DHX38: variants seen among roughly 807,000 people sequenced by gnomAD.
The protein encoded by DHX38 is pre-mRNA-splicing factor ATP-dependent RNA helicase PRP16.
In DHX38, 100 loss-of-function variants were observed where a neutral mutation model predicts 153.1. The ratio of observed to expected loss-of-function variants is 0.65; its 90% CI spans 0.56 to 0.77. DHX38 has a LOEUF of 0.77. Among genes scored for constraint, DHX38 ranks in the 30% least tolerant of loss-of-function variants. The pLI is 0.00. For synonymous variants in DHX38, 650 were observed against 631.7 expected (o/e 1.03, Z -0.43); for missense variants, 1,440 against 1,654.0 (o/e 0.87, Z 2.24).
intron 23 of DHX38, 64 bp downstream of exon 23, chr16:72,108,671 T>A: frequency 1.3e-6 from 2 of 1,592,386 alleles, no homozygotes; most frequent in Non-Finnish European, 8.6e-7. Context: ...AAGTTCTTCC[T>A]TTGTCCTGGT....
rs2042086084 is a variant in DHX38, at chr16:72,100,540, G to C, written c.1221G>C (p.Leu407=). 14 of 1,614,164 alleles carry C rather than the reference G, an allele frequency of 8.7e-6. 2 individuals are homozygous for C. Among genetic ancestry groups the C allele is most frequent in the South Asian group, 6.6e-5 (6 of 91,078 alleles). The stretch of plus-strand genomic sequence containing the variant: ...AGGACAACGCGGCCAAGGTGCATCT[G>C]ATGGTGCACAATCTGGTGCCTCCCT... ...FEEDNAAKVH[L]MVHNLVPPFL... The change falls in exon 9 of 27, where the codon CTG becomes CTC. Residue 407 remains leucine (L), a synonymous_variant. Transcript: ENST00000268482.
Position 72,097,703 on chromosome 16 carries a change from A to T in DHX38, c.538A>T (p.Ser180Cys), listed in dbSNP as rs755218183. Residue 180 changes from serine (S) to cysteine (C), a missense_variant, in exon 4 of 27, where the codon AGC becomes TGC. Ser to Cys is a moderately radical substitution (Grantham distance 112). This residue lies in a region of DHX38 where 483 missense variants were observed against 465.1 expected (regional missense o/e 1.04). Transcript: ENST00000268482. Reference sequence around the variant, plus strand: ...TGAGCGGGATAGAAGTAGGCACAGCAGCAGATCAGAGCGAGATGGAGGGTC... The same window carrying T: ...TGAGCGGGATAGAAGTAGGCACAGCTGCAGATCAGAGCGAGATGGAGGGTC... ...RDERDRSRHS[S>C]RSERDGGSER... 2.5e-6 allele frequency: 4 copies of T among 1,614,178 alleles called. No homozygotes were observed. Among genetic ancestry groups the T allele is most frequent in the Non-Finnish European group, 3.4e-6 (4 of 1,180,012 alleles).
intron 7 of DHX38, 121 bp downstream of exon 7, chr16:72,099,401 T>A: frequency 2.2e-6 from 2 of 916,974 alleles, no homozygotes; most frequent in Non-Finnish European, 3.2e-6. Context: ...CCCAATGCCC[T>A]GGAGTCTCTT....
chr16:72,102,707 G>T (rs901380466), intron 11 of DHX38, among the ~76,000 whole-genome samples: 1 of 152,184 alleles, frequency 6.6e-6, no homozygotes, highest in South Asian at 2.1e-4. Flanking sequence ...CCCTTTAGAC[G>T]TTGTGCTGAA....
intron 12 of DHX38, 65 bp from the exon 13 acceptor site, chr16:72,103,537 T>C: frequency 6.4e-7 from 1 of 1,551,734 alleles, no homozygotes; most frequent in South Asian, 1.2e-5. Context: ...AGCGGAGTCT[T>C]CTTGGAGGCT....
Position 72,107,864 on chromosome 16 carries a change from TTC to T in DHX38, c.2964+71_2964+72del. On this transcript the variant is annotated intron_variant, in intron 21 of 26. Transcript: ENST00000268482. The surrounding 1 kb of genome is among the most constrained non-coding windows in gnomAD (Gnocchi z 5.3). ...AGGAAGTGTTGGGGAGGGGAATGGC[TTC>T]TCTCTGTATTACTGAAATGGAACAG... The T allele has an allele frequency of 6.4e-7, 1 of 1,572,420 alleles. No homozygotes were observed. Among genetic ancestry groups the T allele is most frequent in the South Asian group, 1.1e-5 (1 of 87,820 alleles).
At position 72,105,271 on chromosome 16, in the gene DHX38, G is replaced by C. The variant is rs1224684655; in HGVS notation, c.2302G>C (p.Glu768Gln). ...GATTGTGGAGCATCTGGAGGAACTGGAGAACGCGCCTGCCCTGGCTGTGCT... is the reference window on the plus strand; with the variant it reads ...GATTGTGGAGCATCTGGAGGAACTGCAGAACGCGCCTGCCCTGGCTGTGCT... ...DQIVEHLEEL[E>Q]NAPALAVLPI... is the part of the protein sequence containing the mutation. Residue 768 changes from glutamate to glutamine, a missense_variant, in exon 17 of 27, where the codon GAG becomes CAG. Glu to Gln is a conservative substitution (Grantham distance 29, BLOSUM62 2). Transcript: ENST00000268482. 1 of 1,614,174 alleles carries C rather than the reference G, an allele frequency of 6.2e-7. No individual in the cohort carries two copies. Among genetic ancestry groups the C allele is most frequent in the Non-Finnish European group, 8.5e-7 (1 of 1,180,034 alleles).
chr16:72,100,680 C>A, intron 9 of DHX38, 83 bp downstream of exon 9: 1 of 1,554,178 alleles, frequency 6.4e-7, no homozygotes, highest in Non-Finnish European at 8.7e-7. Context: ...CCTGTCATCC[C>A]GGCACTTTGG....
In DHX38 at chr16:72,104,684, G is replaced by A. The variant is rs964731902; in HGVS notation, c.2151+58G>A. On this transcript the variant is annotated intron_variant, in intron 15 of 26. Transcript: ENST00000268482. This position sits in a 1 kb window ranked among gnomAD's most constrained non-coding sequence, Gnocchi z 4.5. ...TCCATGCCACGCACTTCTCTGATGC[G>A]AAGCCGGCTGGAGGGTGGAGGGTGG... 4.4e-6 allele frequency: 7 copies of A among 1,606,620 alleles called. No homozygotes were observed. The highest frequency in any genetic ancestry group is 4.0e-5 in the African/African-American group (3 of 74,962).
chr16:72,099,628 C>T (rs1443433327), intron 7 of DHX38, 104 bp from the exon 8 acceptor site: 2 of 1,473,720 alleles, frequency 1.4e-6, no homozygotes, highest in Non-Finnish European at 1.8e-6. Flanking sequence ...GGTAGCTCCA[C>T]TGCAGTAGTG....
In DHX38 at chr16:72,103,487, C is replaced by T. The variant is rs368824013; in HGVS notation, c.1638-115C>T. 1.4e-4 allele frequency: 164 copies of T among 1,210,838 alleles called. 1 individual carries two copies. The highest frequency in any genetic ancestry group is 2.2e-4 in the East Asian group (9 of 41,574). 75.0% of individuals were successfully genotyped at this position (1,210,838 alleles called of 1,614,324 possible). A position where few individuals can be genotyped will look rare whatever the true frequency, so the allele number is the denominator to read the frequency against. Reference sequence around the variant, plus strand: ...CCCAGTGAAATTCTCCCTTCTAAACCGGCATGCTCCCTGGATAGCTAGTCA... The same window carrying T: ...CCCAGTGAAATTCTCCCTTCTAAACTGGCATGCTCCCTGGATAGCTAGTCA... On this transcript the variant is annotated intron_variant, in intron 12 of 26. Transcript: ENST00000268482.
intron 7 of DHX38, 111 bp downstream of exon 7, chr16:72,099,391 C>T: frequency 1.0e-6 from 1 of 996,234 alleles, no homozygotes; most frequent in Non-Finnish European, 1.5e-6. Context: ...CCTGTTCAGA[C>T]CCAATGCCCT....
In DHX38 at chr16:72,110,450, C is replaced by A. The variant is rs529693289; in HGVS notation, c.3478-506C>A. 4.6e-5 allele frequency among the ~76,000 whole-genome samples: 7 copies of A among 152,300 alleles called. No homozygotes were observed. In the East Asian group the frequency reaches 1.3e-3, roughly 29 times the overall value. On this transcript the variant is annotated intron_variant, in intron 25 of 26. Coordinates refer to ENST00000268482, the MANE Select transcript of DHX38 (RefSeq NM_014003.4). Reference sequence around the variant, plus strand: ...GGATGAGGGGCCCCAGTGGTGGCAGCCTGCCTCTTCCCTGATAGGTTTCCA... The same window carrying A: ...GGATGAGGGGCCCCAGTGGTGGCAGACTGCCTCTTCCCTGATAGGTTTCCA...
In DHX38 at chr16:72,104,643, G is replaced by C. The variant is rs1349434253; in HGVS notation, c.2151+17G>C. ...TTCAGCAAGGTATTGAGGCCACCAT[G>C]TTACGAACTGACCCTTCCATGCCAC... On this transcript the variant is annotated intron_variant, in intron 15 of 26. Coordinates refer to ENST00000268482, the MANE Select transcript of DHX38 (RefSeq NM_014003.4). This position sits in a 1 kb window ranked among gnomAD's most constrained non-coding sequence, Gnocchi z 4.5. 2.5e-6 allele frequency: 4 copies of C among 1,613,874 alleles called. No individual in the cohort carries two copies. Among genetic ancestry groups the C allele is most frequent in the Non-Finnish European group, 3.4e-6 (4 of 1,179,982 alleles).
At chr16:72,098,262 A>T (rs1246140501) in intron 4 of DHX38, among the ~76,000 whole-genome samples, 1 of 151,954 alleles carries the variant, frequency 6.6e-6, no homozygotes, top group Non-Finnish European at 1.5e-5. Flanking sequence ...GTGAAACCCC[A>T]TCCCTACTAA....
Position 72,108,589 on chromosome 16 carries a change from C to T in DHX38, c.3237C>T (p.His1079=), listed in dbSNP as rs2042215766. 3.1e-6 allele frequency: 5 copies of T among 1,613,820 alleles called. No individual in the cohort carries two copies. The highest frequency in any genetic ancestry group is 4.2e-6 in the Non-Finnish European group (5 of 1,179,948). The change falls in exon 23 of 27, where the codon CAC becomes CAT. Residue 1079 remains histidine (H), a synonymous_variant. Transcript: ENST00000268482. ...AGTGCATCTGTGCTGCCTATTTCCA[C>T]CAAGCAGCCAAGCTCAAGGTGAACC... ...VRKCICAAYF[H]QAAKLKGIGE... is the part of the protein sequence containing the mutation.
In DHX38 at chr16:72,108,207, G is replaced by A. The variant is rs1157723143; in HGVS notation, c.2965-20G>A. 6.2e-7 allele frequency: 1 copy of A among 1,613,106 alleles called. No individual in the cohort carries two copies. Among genetic ancestry groups the A allele is most frequent in the African/African-American group, 1.3e-5 (1 of 75,024 alleles). On this transcript the variant is annotated intron_variant, in intron 21 of 26. Coordinates refer to ENST00000268482, the MANE Select transcript of DHX38 (RefSeq NM_014003.4). ...TGGACCCCCCTGTACTTAGAGTGAA[G>A]GTTCTTTTTCCCTTCCTAGGGTCGA...
At chr16:72,108,672 T>A (rs1420611391) in intron 23 of DHX38, 65 bp downstream of exon 23, 3 of 1,592,622 alleles carry the variant, frequency 1.9e-6, no homozygotes, top group Non-Finnish European at 2.6e-6. Flanking sequence ...AGTTCTTCCT[T>A]TGTCCTGGTG....
rs147033163 is a variant in DHX38, at chr16:72,103,777, C to G, written c.1813C>G (p.Leu605Val). Reference sequence around the variant, plus strand: ...AGTCAGTGAAGAGATGGGGGGAAACCTTGGCGAGGAGGTGAGTGGGCGTGG... The same window carrying G: ...AGTCAGTGAAGAGATGGGGGGAAACGTTGGCGAGGAGGTGAGTGGGCGTGG... The part of the protein sequence containing the change: ...KRVSEEMGGN[L>V]GEEVGYAIRF... The change falls in exon 13 of 27, where the codon CTT (leucine) becomes GTT (valine). Residue 605 changes from leucine (L) to valine (V), a missense_variant. Leu to Val is a conservative substitution (Grantham distance 32). Transcript: ENST00000268482. 1.2e-6 allele frequency: 2 copies of G among 1,610,814 alleles called. No individual in the cohort carries two copies. The highest frequency in any genetic ancestry group is 4.5e-5 in the East Asian group (2 of 44,758).
Sources: gnomAD v4.1 joint callset for allele counts (sites outside exome capture counted in the v4.1 genomes callset) on GRCh38, gnomAD v4.1.1 for gene constraint, gnomAD v4.1.1 regional missense constraint, Gnocchi (gnomAD v3.1) non-coding constraint, MANE v1.5 for transcripts, NCBI Gene and HGNC (gene_info 2026-07-23, HGNC 2026-07-21) for gene names.